The following GRAMD2A variants were observed in gnomAD, a reference collection of about 807,000 sequenced individuals.
The protein encoded by GRAMD2A is GRAM domain-containing protein 2A.
In GRAMD2A, 37 loss-of-function variants were observed where a neutral mutation model predicts 51.1. The ratio of observed to expected loss-of-function variants is 0.72; its 90% CI spans 0.56 to 0.95. The LOEUF (loss-of-function observed/expected upper bound fraction) is 0.95. GRAMD2A is among the 40% of genes least tolerant of loss of function. The pLI is 0.00. For missense variants in GRAMD2A, 414 were observed against 426.9 expected (o/e 0.97, Z 0.27); for synonymous variants, 136 against 157.1 (o/e 0.87, Z 1.01).
At chr15:72,167,442 C>T (rs1307836382) in intron 5 of GRAMD2A, among the ~76,000 whole-genome samples, 2 of 152,390 alleles carry the variant, frequency 1.3e-5, no homozygotes, top group East Asian at 3.9e-4. Flanking sequence ...TGTGATATCC[C>T]ACTCTGATTC....
intron 1 of GRAMD2A, among the ~76,000 whole-genome samples, chr15:72,178,229 A>G (rs2081669404): frequency 6.6e-6 from 1 of 152,084 alleles, no homozygotes; most frequent in African/African-American, 2.4e-5. Flanking sequence ...CTTCCTTGAC[A>G]AGGCAGGGAA....
Position 72,163,363 on chromosome 15 carries a change from T to C in GRAMD2A, c.859A>G (p.Asn287Asp). The change falls in exon 10 of 12, where the codon AAT (asparagine) becomes GAT (aspartate). Residue 287 changes from asparagine to aspartate, a missense_variant. Asn to Asp is a conservative substitution (Grantham distance 23). Transcript: ENST00000309731. ...KMPNCSPTAK[N>D]AVYEEDELEE... ...AGCTCATCCTCCTCATAGACAGCAT[T>C]CTTTGCAGTGGGAGAGCAGTTCGGC... 1 of 1,614,116 alleles carries C rather than the reference T, an allele frequency of 6.2e-7. No homozygotes were observed. The highest frequency in any genetic ancestry group is 8.5e-7 in the Non-Finnish European group (1 of 1,179,974).
At chr15:72,163,179 T>C (rs1255629749) in intron 10 of GRAMD2A, 87 bp downstream of exon 10, 1 of 888,464 alleles carries the variant, frequency 1.1e-6, no homozygotes, top group Non-Finnish European at 1.8e-6. Flanking sequence ...TGGTTCTGAA[T>C]AGTGAATTCC....
At chr15:72,185,124 C>G (rs2081725834) in intron 1 of GRAMD2A, among the ~76,000 whole-genome samples, 3 of 151,324 alleles carry the variant, frequency 2.0e-5, no homozygotes, top group Admixed American at 2.0e-4. Flanking sequence ...ACCTACAATA[C>G]AGTTATAAAG....
At chr15:72,185,728 C>T (rs1242927337) in intron 1 of GRAMD2A, among the ~76,000 whole-genome samples, 1 of 152,098 alleles carries the variant, frequency 6.6e-6, no homozygotes, top group East Asian at 1.9e-4. Context: ...TAAGACAGTC[C>T]AGAAAATGAC....
chr15:72,176,982 A>T (rs1303886455), intron 1 of GRAMD2A, among the ~76,000 whole-genome samples: 1 of 150,808 alleles, frequency 6.6e-6, no homozygotes, highest in East Asian at 1.9e-4. Flanking sequence ...CTCCTGCCTA[A>T]GCCTCCCAAA....
At chr15:72,185,310 C>T (rs992533694) in intron 1 of GRAMD2A, among the ~76,000 whole-genome samples, 1 of 151,878 alleles carries the variant, frequency 6.6e-6, no homozygotes, top group Admixed American at 6.6e-5. Context: ...TCTCCTGCCT[C>T]AGCCTCCTGA....
chr15:72,162,367 G>A lies in GRAMD2A; in HGVS notation c.967C>T (p.Leu323=). 6.2e-7 allele frequency: 1 copy of A among 1,612,794 alleles called. No homozygotes were observed. Among genetic ancestry groups the A allele is most frequent in the South Asian group, 1.1e-5 (1 of 91,012 alleles). ...LKVFFVLICF[L]VMSSSYLAFR... ...GCCAGGTAGGATGAGGACATGACCA[G>A]GAAGCAGATCCTGAAGAAAGCGGCA... Residue 323 remains leucine, a synonymous_variant, in exon 11 of 12, where the codon CTG becomes TTG. Transcript: ENST00000309731.
intron 2 of GRAMD2A, 141 bp downstream of exon 2, chr15:72,169,706 C>G (rs756558191): frequency 4.2e-6 from 3 of 718,418 alleles, no homozygotes; most frequent in Admixed American, 2.0e-5. Context: ...AGGAAGAAGC[C>G]TGGGGCAGCC....
Position 72,162,287 on chromosome 15 carries a change from T to C in GRAMD2A, c.1047A>G (p.Pro349=), listed in dbSNP as rs2081485789. The change falls in exon 11 of 12, where the codon CCA becomes CCG. Residue 349 remains proline, a synonymous_variant. Transcript: ENST00000309731. ...AAAGGCCTCACCTGTGCCCAGGGACTGGGTCATCCCAACTCAAGGAGCATA... is the reference window on the plus strand; with the variant it reads ...AAAGGCCTCACCTGTGCCCAGGGACCGGGTCATCCCAACTCAAGGAGCATA... The part of the protein sequence containing the change: ...QQLCSLSWDD[P]VPGHR The C allele has an allele frequency of 6.2e-7, 1 of 1,613,040 alleles. No homozygotes were observed. Among genetic ancestry groups the C allele is most frequent in the Non-Finnish European group, 8.5e-7 (1 of 1,179,010 alleles).
chr15:72,165,312 A>G (rs1490417110), intron 8 of GRAMD2A, 42 bp downstream of exon 8: 1 of 1,593,020 alleles, frequency 6.3e-7, no homozygotes, highest in Non-Finnish European at 8.6e-7. Context: ...AGCTCCAGGC[A>G]CTGTCAGTCC....
chr15:72,178,133 A>G (rs988983572), intron 1 of GRAMD2A, among the ~76,000 whole-genome samples: 1 of 152,122 alleles, frequency 6.6e-6, no homozygotes, highest in Middle Eastern at 3.4e-3. Flanking sequence ...GCTTCTCTCC[A>G]AGGCCAATCC....
intron 1 of GRAMD2A, among the ~76,000 whole-genome samples, chr15:72,181,323 T>A (rs1394022023): frequency 6.6e-6 from 1 of 152,236 alleles, no homozygotes; most frequent in Non-Finnish European, 1.5e-5. Flanking sequence ...ACTTTGTGTG[T>A]TAATAATTTG....
At chr15:72,165,687 C>T (rs763721269) in intron 7 of GRAMD2A, among the ~76,000 whole-genome samples, 5 of 151,590 alleles carry the variant, frequency 3.3e-5, no homozygotes, top group East Asian at 1.9e-4. Flanking sequence ...AGCAGCTACG[C>T]GCTCCTATCT....
chr15:72,163,459 C>T lies in GRAMD2A; in HGVS notation c.763G>A (p.Val255Ile). Residue 255 changes from valine to isoleucine, a missense_variant, in exon 10 of 12, where the codon GTA becomes ATA. Transcript: ENST00000309731. ...CACCTCCCACCATTTTCTGAAGCTA[C>T]TTGGGCTCTTGACTTTTCTTTATGG... ...PPMSEKSRAQ[V>I]ASENGGRWAW... The T allele has an allele frequency of 6.2e-7, 1 of 1,614,084 alleles. No homozygotes were observed. Among genetic ancestry groups the T allele is most frequent in the South Asian group, 1.1e-5 (1 of 91,068 alleles).
intron 1 of GRAMD2A, among the ~76,000 whole-genome samples, chr15:72,189,457 T>A (rs892185682): frequency 2.6e-5 from 4 of 152,246 alleles, no homozygotes; most frequent in Admixed American, 6.5e-5. Flanking sequence ...CTATTCAGGA[T>A]GTTACCATTG....
At chr15:72,181,359 G>A (rs1445572354) in intron 1 of GRAMD2A, among the ~76,000 whole-genome samples, 1 of 152,248 alleles carries the variant, frequency 6.6e-6, no homozygotes, top group Non-Finnish European at 1.5e-5. Flanking sequence ...ATGGAAGTGG[G>A]GCAGGGGAGT....
intron 5 of GRAMD2A, 30 bp from the exon 6 acceptor site, chr15:72,167,122 A>G (rs200396550): frequency 1.3e-6 from 2 of 1,511,496 alleles, no homozygotes; most frequent in Non-Finnish European, 1.8e-6. Context: ...TTCTCTCAGG[A>G]CTAACCCCCA....
chr15:72,193,567 G>C (rs2081783879), intron 1 of GRAMD2A, among the ~76,000 whole-genome samples: 1 of 150,086 alleles, frequency 6.7e-6, no homozygotes, highest in South Asian at 2.1e-4. Flanking sequence ...CTGTCGCCCA[G>C]GCTGGAGTAC....
Sources: allele counts gnomAD v4.1 joint callset (sites outside exome capture counted in the v4.1 genomes callset), GRCh38; gene constraint gnomAD v4.1.1; transcripts MANE v1.5; gene names NCBI Gene and HGNC (gene_info 2026-07-23, HGNC 2026-07-21).